The following SPIRE1 variants were observed in gnomAD, a reference collection of about 807,000 sequenced individuals.
SPIRE1 encodes the protein protein spire homolog 1.
Under a neutral mutation model 94.1 loss-of-function variants are expected in SPIRE1, and 40 were observed. The ratio of observed to expected loss-of-function variants is 0.43; its 90% confidence interval spans 0.33 to 0.55. The LOEUF is 0.55. Among genes scored for constraint, SPIRE1 ranks in the 20% least tolerant of loss-of-function variants. SPIRE1 has a pLI of 0.06. For synonymous variants in SPIRE1, 376 were observed against 371.7 expected, an observed-to-expected ratio of 1.01 and a Z score of -0.13; for missense variants, 838 against 975.2, an observed-to-expected ratio of 0.86 and a Z score of 1.87.
At chr18:12,472,616 G>A (rs1217962650) in intron 10 of SPIRE1, among the ~76,000 whole-genome samples, 1 of 151,268 alleles carries the variant, frequency 6.6e-6, no homozygotes, top group South Asian at 2.1e-4. Flanking sequence ...TGATCCGCCT[G>A]CCTCAGCCTC....
At chr18:12,604,647 G>A (rs2036922667) in intron 2 of SPIRE1, among the ~76,000 whole-genome samples, 1 of 152,022 alleles carries the variant, frequency 6.6e-6, no homozygotes, top group African/African-American at 2.4e-5. Flanking sequence ...ATGACCACTA[G>A]GTGCAAGACA....
At chr18:12,478,315 G>A (rs966904822) in intron 10 of SPIRE1, among the ~76,000 whole-genome samples, 1 of 151,772 alleles carries the variant, frequency 6.6e-6, no homozygotes, top group African/African-American at 2.4e-5. Context: ...GTATGTGTGT[G>A]TAGCTAGGGT....
rs191675310 is a variant in SPIRE1, at chr18:12,470,233, C to A, written c.1405-5275G>T. Among the ~76,000 whole-genome samples, 410 of 152,230 alleles carry A rather than the reference C, an allele frequency of 2.7e-3. 1 individual carries two copies. The highest frequency in any genetic ancestry group is 9.4e-3 in the African/African-American group (391 of 41,552). On this transcript the variant is annotated intron_variant, in intron 10 of 16. Transcript: ENST00000409402. The stretch of plus-strand genomic sequence containing the variant: ...AAAGTACTAGGATTACAGGCATAAT[C>A]TTATACTGGCCACCATGTGTGGCCA...
At chr18:12,523,736 C>A (rs1449062720) in intron 4 of SPIRE1, among the ~76,000 whole-genome samples, 2 of 152,090 alleles carry the variant, frequency 1.3e-5, no homozygotes, top group Non-Finnish European at 2.9e-5. Context: ...GGATGGAGTG[C>A]AAAATGGTGT....
At chr18:12,620,324 C>T (rs1282282688) in intron 2 of SPIRE1, among the ~76,000 whole-genome samples, 2 of 152,134 alleles carry the variant, frequency 1.3e-5, no homozygotes, top group African/African-American at 2.4e-5. Context: ...AGAAGTTGAG[C>T]TAATTCTAAA....
chr18:12,626,044 C>G (rs554679217), intron 2 of SPIRE1, among the ~76,000 whole-genome samples: 3 of 69,484 alleles, frequency 4.3e-5, no homozygotes, highest in Admixed American at 3.7e-4. Context: ...ACCGCCCCGC[C>G]CCCCCCCAAA....
rs565187360 is a variant in SPIRE1 at position 12,577,951 on chromosome 18, G to A, written c.373-31047C>T. Reference sequence around the variant, plus strand: ...ATATACAAATGGCTTATAAGCATGTGAATAAATGCTATACTTCACTAGTCA... The same window carrying A: ...ATATACAAATGGCTTATAAGCATGTAAATAAATGCTATACTTCACTAGTCA... On this transcript the variant is annotated intron_variant, in intron 2 of 16. Transcript: ENST00000409402. Among the ~76,000 whole-genome samples, 35 of 152,234 alleles carry A rather than the reference G, an allele frequency of 2.3e-4. No individual in the cohort carries two copies. In the South Asian group the frequency reaches 4.8e-3, roughly 21 times the overall value.
rs76826399 is a variant in SPIRE1, at chr18:12,641,292, A to C, written c.338-6196T>G. ...TTTTGTATTATTACTAGGAAAAAAA[A>C]CCCATAGTTTTGTAGTTAACAGGCT... On this transcript the variant is annotated intron_variant, in intron 1 of 16. Transcript: ENST00000409402. Among the ~76,000 whole-genome samples the C allele has an allele frequency of 9.6e-3, 1,455 of 152,200 alleles. 28 individuals are homozygous for C. Among genetic ancestry groups the C allele is most frequent in the African/African-American group, 0.033 (1,389 of 41,534 alleles).
chr18:12,501,477 G>A (rs1054892457), intron 6 of SPIRE1, among the ~76,000 whole-genome samples: 27 of 152,182 alleles, frequency 1.8e-4, no homozygotes, highest in Admixed American at 1.1e-3. Flanking sequence ...TGCGCCTCCC[G>A]AGTTCAAGCA....
At chr18:12,556,788 CAA>C (rs1231466092) in intron 2 of SPIRE1, among the ~76,000 whole-genome samples, 1 of 152,102 alleles carries the variant, frequency 6.6e-6, no homozygotes, top group African/African-American at 2.4e-5. Context: ...GGTGAGGACC[CAA>C]AGAGTGAGCA....
intron 1 of SPIRE1, among the ~76,000 whole-genome samples, chr18:12,643,994 G>A (rs1160382269): frequency 7.0e-6 from 1 of 143,638 alleles, no homozygotes; most frequent in Non-Finnish European, 1.5e-5. Flanking sequence ...AGGAGTTTGA[G>A]ACCAGCCTGG....
upstream of SPIRE1, among the ~76,000 whole-genome samples, chr18:12,659,661 G>A (rs949969627): frequency 1.3e-5 from 2 of 151,930 alleles, no homozygotes; most frequent in Non-Finnish European, 2.9e-5. Context: ...CAGAGCGAGA[G>A]TCTGTCTCAA....
intron 2 of SPIRE1, among the ~76,000 whole-genome samples, chr18:12,578,493 G>T (rs1040224363): frequency 2.0e-5 from 3 of 152,202 alleles, no homozygotes; most frequent in African/African-American, 7.2e-5. Flanking sequence ...GGAGCTGGGG[G>T]ACTGACTGCA....
At chr18:12,484,273 A>G (rs2032952862) in intron 9 of SPIRE1, among the ~76,000 whole-genome samples, 1 of 152,252 alleles carries the variant, frequency 6.6e-6, no homozygotes, top group Admixed American at 6.5e-5. Context: ...GTATATTGCC[A>G]ACTTTTGGGG....
At chr18:12,486,789 T>C (rs1436862659) in intron 8 of SPIRE1, among the ~76,000 whole-genome samples, 2 of 152,210 alleles carry the variant, frequency 1.3e-5, no homozygotes, top group East Asian at 3.8e-4. Context: ...TCACTTTCCA[T>C]GGTTTTAGTT....
At chr18:12,455,754 C>A (rs1387196648) in intron 12 of SPIRE1, among the ~76,000 whole-genome samples, 2 of 152,190 alleles carry the variant, frequency 1.3e-5, no homozygotes, top group African/African-American at 4.8e-5. Flanking sequence ...GTTCTCAGCA[C>A]AAACACATTA....
chr18:12,477,757 G>A (rs1195980646), intron 10 of SPIRE1, among the ~76,000 whole-genome samples: 1 of 150,882 alleles, frequency 6.6e-6, no homozygotes, highest in East Asian at 1.9e-4. Flanking sequence ...AAGGACGTGA[G>A]GGGCAGACCG....
intron 4 of SPIRE1, among the ~76,000 whole-genome samples, chr18:12,512,764 ACTTT>A (rs1443033707): frequency 7.2e-5 from 9 of 124,478 alleles, no homozygotes; most frequent in African/African-American, 1.8e-4. Flanking sequence ...TGCCAACACA[ACTTT>A]CTTTTTCTTT....
At chr18:12,591,516 A>AT (rs2036534948) in intron 2 of SPIRE1, among the ~76,000 whole-genome samples, 1 of 152,184 alleles carries the variant, frequency 6.6e-6, no homozygotes, top group Non-Finnish European at 1.5e-5. Context: ...CTCCTGACTG[A>AT]GAATAGACTC....
Sources: gnomAD v4.1 joint callset for allele counts (sites outside exome capture counted in the v4.1 genomes callset) on GRCh38, gnomAD v4.1.1 for gene constraint, MANE v1.5 for transcripts, NCBI Gene and HGNC (gene_info 2026-07-23, HGNC 2026-07-21) for gene names.